UCHL5: variants seen among roughly 807,000 people sequenced by gnomAD.
UCHL5 encodes the protein ubiquitin carboxyl-terminal hydrolase isozyme L5.
In UCHL5, 34 loss-of-function variants were observed where a neutral mutation model predicts 53.8. The ratio of observed to expected loss-of-function variants is 0.63; its 90% CI spans 0.48 to 0.84. The LOEUF (loss-of-function observed/expected upper bound fraction) is 0.84. UCHL5 is among the 40% of genes least tolerant of loss of function. The probability of loss-of-function intolerance (pLI) is 0.00; values close to 1 mark genes in which losing one functional copy is unlikely to be tolerated. For missense variants in UCHL5, 290 were observed against 385.6 expected, an observed-to-expected ratio of 0.75 and a Z score of 2.08; for synonymous variants, 111 against 126.3, an observed-to-expected ratio of 0.88 and a Z score of 0.81.
At chr1:193,059,892 C>T (rs1225472626), upstream of UCHL5, 1 of 1,365,450 alleles carries the variant, frequency 7.3e-7, no homozygotes. This position sits in a 1 kb window ranked among gnomAD's most constrained non-coding sequence, Gnocchi z 4.9. Context: ...GCTGGGCAAA[C>T]GCCGCGAAAC....
intron 2 of UCHL5, 45 bp downstream of exon 2, chr1:193,051,709 A>C (rs1343903346): frequency 8.5e-7 from 1 of 1,172,136 alleles, no homozygotes; most frequent in African/African-American, 1.6e-5. Context: ...TAAGTTTGTT[A>C]AAGTATATAT....
intron 10 of UCHL5, among the ~76,000 whole-genome samples, chr1:193,017,805 TATG>T (rs1323834438): frequency 6.6e-6 from 1 of 151,436 alleles, no homozygotes; most frequent in Non-Finnish European, 1.5e-5. Flanking sequence ...ACTTTACAGA[TATG>T]ATCTCATTTA....
intron 10 of UCHL5, among the ~76,000 whole-genome samples, 183 bp from the exon 11 acceptor site, chr1:193,016,578 A>G (rs1654971108): frequency 6.6e-6 from 1 of 151,842 alleles, no homozygotes; most frequent in African/African-American, 2.4e-5. Context: ...ACAATTACAT[A>G]GTTATTCTTT....
At chr1:193,046,001 G>A (rs1667214059) in intron 3 of UCHL5, among the ~76,000 whole-genome samples, 1 of 150,462 alleles carries the variant, frequency 6.6e-6, no homozygotes, top group Non-Finnish European at 1.5e-5. Context: ...TGATATATAA[G>A]CACAAAAATA....
In UCHL5 at chr1:193,012,927, C is replaced by T. The variant is rs2102204633; in HGVS notation, c.*3424G>A. 1 of 152,246 alleles carries T rather than the reference C, an allele frequency of 6.6e-6. No individual in the cohort carries two copies. Among genetic ancestry groups the T allele is most frequent in the African/African-American group, 2.4e-5 (1 of 41,562 alleles). 9.4% of individuals were successfully genotyped at this position (152,246 alleles called of 1,614,324 possible). On this transcript the variant is annotated 3_prime_UTR_variant, in exon 11 of 11. Coordinates refer to ENST00000367454, the MANE Select transcript of UCHL5 (RefSeq NM_001199261.3). ...GCCCAGTATGCTAGAAGTGGTGAAT[C>T]TTTACCATGTCAGTCATTGGATTTA...
chr1:193,059,714 C>A, upstream of UCHL5: 1 of 1,352,554 alleles, frequency 7.4e-7, no homozygotes, highest in East Asian at 4.7e-5. The surrounding 1 kb of genome is among the most constrained non-coding windows in gnomAD (Gnocchi z 4.9). Context: ...TGTCGTTTCC[C>A]AGCGCTGCGC....
intron 3 of UCHL5, among the ~76,000 whole-genome samples, chr1:193,040,223 G>A (rs1665080041): frequency 6.6e-6 from 1 of 151,928 alleles, no homozygotes; most frequent in Non-Finnish European, 1.5e-5. Context: ...CACAGAATGG[G>A]AGAAAATATT....
intron 10 of UCHL5, among the ~76,000 whole-genome samples, chr1:193,019,712 T>C (rs1037378414): frequency 4.0e-5 from 6 of 151,732 alleles, no homozygotes; most frequent in African/African-American, 1.2e-4. Flanking sequence ...GTTCTCTAAC[T>C]ATGCTCTCAA....
intron 3 of UCHL5, among the ~76,000 whole-genome samples, chr1:193,039,647 T>C (rs1157377119): frequency 6.6e-6 from 1 of 151,706 alleles, no homozygotes; most frequent in Non-Finnish European, 1.5e-5. Flanking sequence ...GAAAAAGCAA[T>C]CCCAAAATTT....
intron 3 of UCHL5, among the ~76,000 whole-genome samples, chr1:193,046,822 A>C (rs1053287492): frequency 3.3e-5 from 5 of 151,190 alleles, no homozygotes; most frequent in Non-Finnish European, 7.4e-5. Flanking sequence ...AACAAAGTCA[A>C]ACTTTCATTA....
chr1:193,046,244 T>A (rs1667292087), intron 3 of UCHL5, among the ~76,000 whole-genome samples: 1 of 151,690 alleles, frequency 6.6e-6, no homozygotes, highest in African/African-American at 2.4e-5. Context: ...TCGCCCAGGC[T>A]GGTCTCAAAC....
intron 3 of UCHL5, among the ~76,000 whole-genome samples, chr1:193,044,559 G>A (rs1015176820): frequency 6.6e-6 from 1 of 151,518 alleles, no homozygotes; most frequent in Non-Finnish European, 1.5e-5. Context: ...ACACACACAC[G>A]CAACCCCCTT....
chr1:193,018,900 T>A, intron 10 of UCHL5: 1 of 1,134,312 alleles, frequency 8.8e-7, no homozygotes. Context: ...TTAGAAGTAT[T>A]ACCATTAAGT....
chr1:193,049,609 G>A (rs989482206), intron 3 of UCHL5, 137 bp downstream of exon 3: 1 of 537,226 alleles, frequency 1.9e-6, no homozygotes, highest in Non-Finnish European at 3.1e-6. Flanking sequence ...TTTTAAGACT[G>A]TAATTGGAGA....
At chr1:193,047,691 T>G (rs1275532389) in intron 3 of UCHL5, among the ~76,000 whole-genome samples, 1 of 152,178 alleles carries the variant, frequency 6.6e-6, no homozygotes, top group African/African-American at 2.4e-5. Context: ...AAGTATTATC[T>G]ATGGCTCTCT....
chr1:193,045,102 T>C (rs1666933980), intron 3 of UCHL5, among the ~76,000 whole-genome samples: 1 of 152,204 alleles, frequency 6.6e-6, no homozygotes, highest in Non-Finnish European at 1.5e-5. Flanking sequence ...AAATCAGACA[T>C]CATTAGTATC....
intron 3 of UCHL5, among the ~76,000 whole-genome samples, chr1:193,035,404 C>A (rs1337386942): frequency 1.3e-5 from 2 of 151,222 alleles, no homozygotes; most frequent in African/African-American, 4.9e-5. Context: ...GGGTTCTCAA[C>A]AGAAACCATA....
chr1:193,020,070 C>T (rs1410565616), intron 10 of UCHL5: 1 of 984,878 alleles, frequency 1.0e-6, no homozygotes, highest in East Asian at 1.1e-4. Context: ...AGAATACACC[C>T]TGAGATGCAT....
At chr1:193,032,513 C>A (rs1160931891) in intron 3 of UCHL5, among the ~76,000 whole-genome samples, 1 of 152,034 alleles carries the variant, frequency 6.6e-6, no homozygotes, top group African/African-American at 2.4e-5. Context: ...CAACAAAAAC[C>A]AAAATTGACA....
Sources: gnomAD v4.1 joint callset for allele counts (sites outside exome capture counted in the v4.1 genomes callset) on GRCh38, gnomAD v4.1.1 for gene constraint, Gnocchi (gnomAD v3.1) non-coding constraint, MANE v1.5 for transcripts, NCBI Gene and HGNC (gene_info 2026-07-23, HGNC 2026-07-21) for gene names.